Variants in LAMA2 observed in about 807,000 individuals in gnomAD.
The protein encoded by LAMA2 is laminin subunit alpha 2, also known as laminin subunit alpha-2.
Under a neutral mutation model 364.8 loss-of-function variants are expected in LAMA2, and 269 were observed. The ratio of observed to expected loss-of-function variants is 0.74; its 90% CI spans 0.67 to 0.82. The LOEUF is 0.82. Ranked by LOEUF, LAMA2 falls within the 40% of genes least tolerant of loss-of-function variation. The pLI is 0.00. For missense variants in LAMA2, 3,807 were observed against 3,873.2 expected (o/e 0.98, Z 0.45); for synonymous variants, 1,379 against 1,370.6 (o/e 1.01, Z -0.14).
intron 1 of LAMA2, among the ~76,000 whole-genome samples, chr6:129,037,975 A>T (rs1376253940): frequency 1.3e-5 from 2 of 152,222 alleles, no homozygotes; most frequent in Non-Finnish European, 1.5e-5. Flanking sequence ...AAATATATTT[A>T]AAAAATTTTT....
At chr6:129,307,983 A>G (rs1364705900) in intron 22 of LAMA2, among the ~76,000 whole-genome samples, 4 of 152,216 alleles carry the variant, frequency 2.6e-5, no homozygotes, top group Non-Finnish European at 5.9e-5. Context: ...CACAGATGAA[A>G]TAATAGACTC....
rs757749747 is a variant in LAMA2, at chr6:129,402,434, C to T, written c.5673C>T (p.Ser1891=). 1.9e-6 allele frequency: 3 copies of T among 1,614,028 alleles called. No homozygotes were observed. The highest frequency in any genetic ancestry group is 4.5e-5 in the East Asian group (2 of 44,868). Residue 1891 remains serine, a synonymous_variant, in exon 39 of 65, where the codon TCC becomes TCT. Transcript: ENST00000421865. ...ACAGGAAGCTTGCTGAGAAGGTGTC[C>T]CAGGCTGAGAGCCACGCAGCTCAGT... ...IKDRKLAEKV[S]QAESHAAQLN... is the part of the protein sequence containing the mutation.
chr6:129,213,523 A>AT (rs1270309622), intron 12 of LAMA2, among the ~76,000 whole-genome samples: 1 of 152,204 alleles, frequency 6.6e-6, no homozygotes, highest in Non-Finnish European at 1.5e-5. Context: ...GTTTCTCCAC[A>AT]TTCTCACCAG....
intron 41 of LAMA2, among the ~76,000 whole-genome samples, chr6:129,433,670 C>T (rs368865116): frequency 2.0e-5 from 3 of 151,664 alleles, no homozygotes; most frequent in South Asian, 2.1e-4. Flanking sequence ...AAAATCGTCC[C>T]GATATTTAGT....
intron 17 of LAMA2, among the ~76,000 whole-genome samples, chr6:129,278,035 C>A (rs899562595): frequency 6.6e-5 from 10 of 151,958 alleles, no homozygotes; most frequent in African/African-American, 1.9e-4. Context: ...GACCCCATTT[C>A]TACTAAAAAT....
chr6:129,248,513 TAA>T (rs1224686030), intron 12 of LAMA2, among the ~76,000 whole-genome samples: 1 of 152,306 alleles, frequency 6.6e-6, no homozygotes, highest in Non-Finnish European at 1.5e-5. Flanking sequence ...TTTCATATAT[TAA>T]GTTGATATTT....
chr6:129,467,326 A>G (rs564648888), intron 51 of LAMA2, among the ~76,000 whole-genome samples: 64 of 151,930 alleles, frequency 4.2e-4, no homozygotes, highest in African/African-American at 1.5e-3. Flanking sequence ...AGACGTGAAG[A>G]TGGAAACAAT....
chr6:129,421,390 A>T (rs1159760191), intron 40 of LAMA2, among the ~76,000 whole-genome samples: 1 of 145,272 alleles, frequency 6.9e-6, no homozygotes, highest in East Asian at 2.0e-4. Context: ...TTTATTGTTT[A>T]AAAAAAAAAA....
intron 1 of LAMA2, among the ~76,000 whole-genome samples, chr6:128,894,789 C>A (rs1281255901): frequency 6.6e-6 from 1 of 152,188 alleles, no homozygotes; most frequent in Non-Finnish European, 1.5e-5. Context: ...TGGTTTAGTA[C>A]CCCTGCCTTG....
At chr6:128,948,359 T>C (rs757609583) in intron 1 of LAMA2, among the ~76,000 whole-genome samples, 2 of 152,114 alleles carry the variant, frequency 1.3e-5, no homozygotes, top group East Asian at 3.9e-4. Context: ...CACTTCCCAG[T>C]TTATGTATTT....
intron 1 of LAMA2, among the ~76,000 whole-genome samples, chr6:129,035,580 T>G (rs1786586388): frequency 6.6e-6 from 1 of 151,644 alleles, no homozygotes; most frequent in Non-Finnish European, 1.5e-5. Flanking sequence ...TCATTAATTC[T>G]TTACCTAGGC....
intron 17 of LAMA2, among the ~76,000 whole-genome samples, chr6:129,275,268 G>A (rs1583395580): frequency 1.3e-5 from 2 of 152,056 alleles, no homozygotes; most frequent in East Asian, 3.9e-4. Flanking sequence ...CCTACACATT[G>A]TTTTATGTGC....
At chr6:129,319,328 A>G (rs1454391267) in intron 27 of LAMA2, among the ~76,000 whole-genome samples, 1 of 152,178 alleles carries the variant, frequency 6.6e-6, no homozygotes, top group Non-Finnish European at 1.5e-5. Flanking sequence ...TAAATGTCTA[A>G]TTAATTGGCC....
At chr6:129,010,632 G>T (rs1393027974) in intron 1 of LAMA2, among the ~76,000 whole-genome samples, 3 of 152,244 alleles carry the variant, frequency 2.0e-5, no homozygotes, top group Non-Finnish European at 2.9e-5. Flanking sequence ...TTCACATTGA[G>T]AAAAACTAGG....
chr6:129,500,682 A>G (rs1293789597), intron 58 of LAMA2, among the ~76,000 whole-genome samples: 2 of 152,206 alleles, frequency 1.3e-5, no homozygotes, highest in African/African-American at 2.4e-5. Flanking sequence ...CTCATAGTAT[A>G]CAACGAAACA....
chr6:129,249,688 T>C (rs947046620), intron 12 of LAMA2, among the ~76,000 whole-genome samples: 1 of 152,190 alleles, frequency 6.6e-6, no homozygotes, highest in African/African-American at 2.4e-5. Context: ...GAGGGATGTC[T>C]TTGTTGAAAG....
At chr6:129,494,314 G>A (rs1206667456) in intron 58 of LAMA2, among the ~76,000 whole-genome samples, 2 of 152,244 alleles carry the variant, frequency 1.3e-5, no homozygotes, top group East Asian at 1.9e-4. Context: ...TATTCAATGA[G>A]AGGCCAGATA....
chr6:129,147,048 T>G lies in LAMA2; in HGVS notation c.909T>G (p.Asn303Lys). 2 of 1,587,738 alleles carry G rather than the reference T, an allele frequency of 1.3e-6. No homozygotes were observed. Among genetic ancestry groups the G allele is most frequent in the Non-Finnish European group, 1.7e-6 (2 of 1,156,182 alleles). Residue 303 changes from asparagine (N) to lysine (K), a missense_variant and splice_region_variant, in exon 6 of 65, where the codon AAT (asparagine) becomes AAG (lysine). Asn to Lys is a moderately conservative substitution (Grantham distance 94). Around this residue, in one of 3 missense-constraint regions of LAMA2, gnomAD observed 394 missense variants for 403.5 expected, o/e 0.98. Coordinates refer to ENST00000421865, the MANE Select transcript of LAMA2 (RefSeq NM_000426.4). Reference sequence around the variant, plus strand: ...CTTGTCCACTTGATCCAGCGACAAATGTATGTATATTTATAGGATGCTTAG... The same window carrying G: ...CTTGTCCACTTGATCCAGCGACAAAGGTATGTATATTTATAGGATGCTTAG... ...ARACPLDPATNKSRCECEHNT... is the reference protein window; with the variant it reads ...ARACPLDPATKKSRCECEHNT...
intron 40 of LAMA2, among the ~76,000 whole-genome samples, chr6:129,425,528 G>C (rs571391060): frequency 1.3e-5 from 2 of 151,796 alleles, no homozygotes; most frequent in Middle Eastern, 3.4e-3. Flanking sequence ...ATTTCATCAC[G>C]CAGGAACTAA....
Sources: allele counts gnomAD v4.1 joint callset (sites outside exome capture counted in the v4.1 genomes callset), GRCh38; gene constraint gnomAD v4.1.1; regional missense constraint gnomAD v4.1.1; transcripts MANE v1.5; gene names NCBI Gene and HGNC (gene_info 2026-07-23, HGNC 2026-07-21).